KLHDC10: variants seen among roughly 807,000 people sequenced by gnomAD.
KLHDC10 encodes the protein kelch domain-containing protein 10.
Under a neutral mutation model 56.1 loss-of-function variants are expected in KLHDC10, and 24 were observed. The ratio of observed to expected loss-of-function variants is 0.43; its 90% confidence interval spans 0.31 to 0.60. KLHDC10 has a LOEUF of 0.60. KLHDC10 is among the 20% of genes least tolerant of loss of function. The probability of loss-of-function intolerance (pLI) is 0.11; values close to 1 mark genes in which losing one functional copy is unlikely to be tolerated. For synonymous variants in KLHDC10, 188 were observed against 207.1 expected, an observed-to-expected ratio of 0.91 and a Z score of 0.79; for missense variants, 349 against 567.0, an observed-to-expected ratio of 0.62 and a Z score of 3.91.
At chr7:130,092,567 T>G (rs1461449199) in intron 1 of KLHDC10, among the ~76,000 whole-genome samples, 1 of 152,140 alleles carries the variant, frequency 6.6e-6, no homozygotes, top group African/African-American at 2.4e-5. Flanking sequence ...TGTCCCCTCT[T>G]CTGCCTGGGT....
chr7:130,107,581 C>G (rs538624712), intron 2 of KLHDC10, among the ~76,000 whole-genome samples: 1 of 152,014 alleles, frequency 6.6e-6, no homozygotes, highest in South Asian at 2.1e-4. Context: ...CCATGGTTCA[C>G]GCCTGTAATC....
chr7:130,084,383 A>G (rs1373313461), intron 1 of KLHDC10, among the ~76,000 whole-genome samples: 1 of 152,204 alleles, frequency 6.6e-6, no homozygotes, highest in Non-Finnish European at 1.5e-5. Context: ...ACTAGGTGGT[A>G]TATCAGTGGT....
chr7:130,128,889 A>AAAAAAAAAAAAAAATATAT, intron 8 of KLHDC10, among the ~76,000 whole-genome samples: 1 of 66,958 alleles, frequency 1.5e-5, no homozygotes, highest in Non-Finnish European at 2.8e-5. Flanking sequence ...AAAAAAAAAA[A>AAAAAAAAAAAAAAATATAT]ATATATATAT....
At chr7:130,109,851 C>A (rs1161874633) in intron 2 of KLHDC10, among the ~76,000 whole-genome samples, 1 of 152,064 alleles carries the variant, frequency 6.6e-6, no homozygotes, top group Non-Finnish European at 1.5e-5. Context: ...GTTAGTCAGG[C>A]TGGTCTCAAA....
intron 3 of KLHDC10, among the ~76,000 whole-genome samples, chr7:130,119,537 T>TAAA (rs11317882): frequency 0.023 from 2,293 of 100,298 alleles, 77 homozygotes; most frequent in African/African-American, 0.081. Flanking sequence ...AAAAAAGAGT[T>TAAA]AAAAAAAAAA....
At chr7:130,096,417 T>C (rs1312582726) in intron 1 of KLHDC10, among the ~76,000 whole-genome samples, 3 of 152,178 alleles carry the variant, frequency 2.0e-5, no homozygotes, top group Non-Finnish European at 2.9e-5. Flanking sequence ...TGGTTGCTGT[T>C]TTAAAATTTA....
At chr7:130,087,031 T>C (rs1229364515) in intron 1 of KLHDC10, among the ~76,000 whole-genome samples, 1 of 152,236 alleles carries the variant, frequency 6.6e-6, no homozygotes. Flanking sequence ...GTCCCCTTTT[T>C]TATAGTTAAG....
chr7:130,119,253 G>A (rs59713363), intron 3 of KLHDC10, among the ~76,000 whole-genome samples: 24,223 of 151,456 alleles, frequency 0.16, 2,315 homozygotes, highest in East Asian at 0.31. Context: ...CCTCACCCCT[G>A]TAATCCCAGC....
intron 2 of KLHDC10, among the ~76,000 whole-genome samples, chr7:130,114,125 G>A (rs1010281004): frequency 1.3e-5 from 2 of 152,112 alleles, no homozygotes; most frequent in African/African-American, 4.8e-5. Context: ...CAAACTTTTA[G>A]TACCTGTTTT....
At chr7:130,099,681 AG>A (rs1378296886) in intron 2 of KLHDC10, among the ~76,000 whole-genome samples, 1 of 152,232 alleles carries the variant, frequency 6.6e-6, no homozygotes, top group African/African-American at 2.4e-5. Flanking sequence ...AGTGGGAAAG[AG>A]GTGGACAAAA....
chr7:130,080,199 C>G (rs1795584186), intron 1 of KLHDC10, among the ~76,000 whole-genome samples: 1 of 152,222 alleles, frequency 6.6e-6, no homozygotes, highest in East Asian at 1.9e-4. Flanking sequence ...ACCTCAGCCT[C>G]CCAAAGTACT....
At chr7:130,121,727 C>T (rs1011700122) in intron 4 of KLHDC10, among the ~76,000 whole-genome samples, 1 of 152,194 alleles carries the variant, frequency 6.6e-6, no homozygotes, top group Non-Finnish European at 1.5e-5. Flanking sequence ...TTTCTTCAGA[C>T]TGCTTATAAA....
At chr7:130,079,892 C>A in intron 1 of KLHDC10, among the ~76,000 whole-genome samples, 1 of 132,518 alleles carries the variant, frequency 7.5e-6, no homozygotes, top group Non-Finnish European at 1.6e-5. Flanking sequence ...CTCCCTTCCT[C>A]CCTTTCTTCC....
intron 1 of KLHDC10, among the ~76,000 whole-genome samples, chr7:130,075,370 A>T (rs1795483781): frequency 6.6e-6 from 1 of 152,226 alleles, no homozygotes; most frequent in Non-Finnish European, 1.5e-5. Flanking sequence ...TTAACTTAAA[A>T]ATTTTAAGTA....
intron 1 of KLHDC10, among the ~76,000 whole-genome samples, chr7:130,077,648 C>T (rs1485098203): frequency 6.7e-6 from 1 of 149,900 alleles, no homozygotes; most frequent in South Asian, 2.1e-4. Flanking sequence ...CTCCGCCTCC[C>T]GGGTTCACGC....
At chr7:130,114,769 GA>G (rs1324795217) in intron 2 of KLHDC10, among the ~76,000 whole-genome samples, 2 of 152,098 alleles carry the variant, frequency 1.3e-5, no homozygotes, top group African/African-American at 4.8e-5. Context: ...TTCATTTGAT[GA>G]AAAGGGTGGT....
intron 1 of KLHDC10, among the ~76,000 whole-genome samples, chr7:130,080,956 T>C (rs892895316): frequency 6.6e-6 from 1 of 151,960 alleles, no homozygotes; most frequent in Admixed American, 6.6e-5. Flanking sequence ...TAAAACTTAG[T>C]TCCAATATTT....
Position 130,130,657 on chromosome 7 carries a change from C to A in KLHDC10, c.1240C>A (p.Leu414Ile). 6.2e-7 allele frequency: 1 copy of A among 1,614,146 alleles called. No individual in the cohort carries two copies. The highest frequency in any genetic ancestry group is 1.1e-5 in the South Asian group (1 of 91,080). The change falls in exon 10 of 10, where the codon CTT becomes ATT. Residue 414 changes from leucine (L) to isoleucine (I), a missense_variant. Physicochemically the swap from Leu to Ile is conservative, Grantham distance 5. This residue lies in a region of KLHDC10 where 245 missense variants were observed against 470.1 expected (regional missense o/e 0.52). Coordinates refer to ENST00000335420, the MANE Select transcript of KLHDC10 (RefSeq NM_014997.4). The surrounding 1 kb of genome is among the most constrained non-coding windows in gnomAD (Gnocchi z 4.2). ...SLLELAWEKL[L>I]AAFPNLANLS... is the part of the protein sequence containing the mutation. ...GCTGGAACTGGCATGGGAGAAGCTG[C>A]TTGCGGCCTTCCCTAACCTTGCAAA...
In KLHDC10 at chr7:130,128,889, A is replaced by AAAAAATAT; in HGVS notation, c.980-547_980-546insAAAATATA. Among the ~76,000 whole-genome samples the AAAAAATAT allele has an allele frequency of 1.6e-3, 107 of 66,938 alleles. 1 individual carries two copies. Among genetic ancestry groups the AAAAAATAT allele is most frequent in the African/African-American group, 4.8e-3 (66 of 13,626 alleles). The allele number at this position is 66,938 out of a possible 152,430, so 43.9% of individuals were successfully genotyped here. A position where few individuals can be genotyped will look rare whatever the true frequency, so the allele number is the denominator to read the frequency against. ...ACCTTGTCTCTTAAAAAAAAAAAAA[A>AAAAAATAT]ATATATATATATATATATATATATA... On this transcript the variant is annotated intron_variant, in intron 8 of 9. Coordinates refer to ENST00000335420, the MANE Select transcript of KLHDC10 (RefSeq NM_014997.4).
Sources: gnomAD v4.1 joint callset for allele counts (sites outside exome capture counted in the v4.1 genomes callset) on GRCh38, gnomAD v4.1.1 for gene constraint, gnomAD v4.1.1 regional missense constraint, Gnocchi (gnomAD v3.1) non-coding constraint, MANE v1.5 for transcripts, NCBI Gene and HGNC (gene_info 2026-07-23, HGNC 2026-07-21) for gene names.